FRY: variants seen among roughly 807,000 people sequenced by gnomAD.
FRY encodes the protein protein furry homolog.
Under a neutral mutation model 348.4 loss-of-function variants are expected in FRY, and 128 were observed. The ratio of observed to expected loss-of-function variants is 0.37; its 90% CI spans 0.32 to 0.43. The LOEUF (loss-of-function observed/expected upper bound fraction) is 0.43, where lower values mean the gene tolerates loss of function less well. Among genes scored for constraint, FRY ranks in the 20% least tolerant of loss-of-function variants. The pLI, the probability that FRY is intolerant of heterozygous loss-of-function variation, is 1.00. For synonymous variants in FRY, 1,370 were observed against 1,374.7 expected (o/e 1.00, Z 0.08); for missense variants, 2,736 against 3,695.2 (o/e 0.74, Z 6.73).
Position 32,237,268 on chromosome 13 carries a change from C to G in FRY, c.5811-111C>G, listed in dbSNP as rs1446464703. 1 of 1,029,834 alleles carries G rather than the reference C, an allele frequency of 9.7e-7. No homozygotes were observed. The highest frequency in any genetic ancestry group is 1.5e-6 in the Non-Finnish European group (1 of 679,026). 63.8% of individuals were successfully genotyped at this position (1,029,834 alleles called of 1,614,324 possible). On this transcript the variant is annotated intron_variant, in intron 43 of 60. Coordinates refer to ENST00000542859, the MANE Select transcript of FRY (RefSeq NM_023037.3). The surrounding 1 kb of genome is among the most constrained non-coding windows in gnomAD (Gnocchi z 6.3). ...GGAAAAATAAATGAATAGAAAGTGG[C>G]ATTTCTAAAGAATGATTTCCCTCCT...
At chr13:32,037,602 A>G (rs457267) in intron 1 of FRY, among the ~76,000 whole-genome samples, 101,274 of 152,018 alleles carry the variant, frequency 0.67, 34,078 homozygotes, top group African/African-American at 0.73. Context: ...GAAAGAGAAA[A>G]GCAAACAGCA....
chr13:32,213,815 CTAGAGGTTT>C (rs922556041), intron 35 of FRY, among the ~76,000 whole-genome samples: 11 of 152,224 alleles, frequency 7.2e-5, no homozygotes, highest in African/African-American at 2.4e-4. Flanking sequence ...AGTGTCCTGC[CTAGAGGTTT>C]TAGTGGTGCC....
chr13:32,236,032 C>A, intron 42 of FRY, 46 bp from the exon 43 acceptor site: 1 of 1,207,988 alleles, frequency 8.3e-7, no homozygotes, highest in Non-Finnish European at 1.2e-6. Flanking sequence ...AGGAAATTAA[C>A]AATGGTTACA....
intron 1 of FRY, among the ~76,000 whole-genome samples, chr13:32,060,172 C>T (rs566382596): frequency 1.3e-5 from 2 of 152,336 alleles, no homozygotes; most frequent in South Asian, 4.1e-4. Context: ...CACTGACCCT[C>T]ATAGAATTCT....
At chr13:32,256,193 A>G (rs1421892842) in intron 51 of FRY, among the ~76,000 whole-genome samples, 2 of 152,168 alleles carry the variant, frequency 1.3e-5, no homozygotes, top group Admixed American at 6.6e-5. Context: ...CTAGCCAGCA[A>G]TAACTAAAAA....
In FRY at chr13:32,238,154, G is replaced by C. The variant is rs530581426; in HGVS notation, c.6418+168G>C. Among the ~76,000 whole-genome samples, 4 of 152,180 alleles carry C rather than the reference G, an allele frequency of 2.6e-5. No homozygotes were observed. The East Asian group carries it at 7.7e-4, about 29-fold the overall frequency. ...AATTCTATATAATGTAAATCTCAAT[G>C]ATCTGTATTATAGAAAATATTTTTA... On this transcript the variant is annotated intron_variant, in intron 44 of 60. Transcript: ENST00000542859.
chr13:32,130,953 T>C (rs1879322228), intron 7 of FRY, among the ~76,000 whole-genome samples: 2 of 152,022 alleles, frequency 1.3e-5, no homozygotes. Flanking sequence ...GTAGCTGGGA[T>C]TACAGGTGCG....
At chr13:32,277,592 A>C (rs1888592344) in intron 57 of FRY, among the ~76,000 whole-genome samples, 1 of 152,354 alleles carries the variant, frequency 6.6e-6, no homozygotes, top group East Asian at 1.9e-4. Context: ...TATTGCCTTG[A>C]AAACAGAAAT....
In FRY at chr13:32,101,951, T is replaced by C; in HGVS notation, c.271-12T>C. 7.1e-7 allele frequency: 1 copy of C among 1,407,704 alleles called. No individual in the cohort carries two copies. Among genetic ancestry groups the C allele is most frequent in the East Asian group, 2.3e-5 (1 of 43,886 alleles). The allele number at this position is 1,407,704 out of a possible 1,614,324, so 87.2% of individuals were successfully genotyped here. On this transcript the variant is annotated splice_polypyrimidine_tract_variant and intron_variant, in intron 2 of 60. Transcript: ENST00000542859. ...TAATAATTATTCTTGCATATATTCT[T>C]TTTCTTTCTAGGAAAAGCCATTGAC...
intron 55 of FRY, among the ~76,000 whole-genome samples, chr13:32,270,499 G>T (rs758057292): frequency 6.6e-6 from 1 of 152,186 alleles, no homozygotes; most frequent in Non-Finnish European, 1.5e-5. Context: ...GCGCCACGGC[G>T]CCCGACCTCT....
At chr13:32,158,835 T>C (rs1036802710) in intron 16 of FRY, among the ~76,000 whole-genome samples, 2 of 151,650 alleles carry the variant, frequency 1.3e-5, no homozygotes, top group African/African-American at 2.4e-5. Flanking sequence ...GGAGAATTGC[T>C]TGAACCCGGG....
At chr13:32,074,869 T>G (rs866412786) in intron 1 of FRY, among the ~76,000 whole-genome samples, 41 of 152,162 alleles carry the variant, frequency 2.7e-4, no homozygotes, top group African/African-American at 8.7e-4. Flanking sequence ...TTGGGGCAGC[T>G]GGATGGCACT....
chr13:32,134,866 C>A (rs1162319989), intron 8 of FRY, 38 bp from the exon 9 acceptor site: 3 of 1,243,656 alleles, frequency 2.4e-6, no homozygotes, highest in African/African-American at 2.9e-5. Context: ...TACATTTCAA[C>A]CTACTCTCCC....
intron 2 of FRY, among the ~76,000 whole-genome samples, chr13:32,081,189 A>T (rs1875465526): frequency 6.6e-6 from 1 of 152,148 alleles, no homozygotes; most frequent in Admixed American, 6.5e-5. Context: ...ACAAGAAAAA[A>T]ATTTTTAAGT....
chr13:32,296,568 G>A lies in FRY; in HGVS notation c.*1108G>A, dbSNP rs1300624555. On this transcript the variant is annotated 3_prime_UTR_variant, in exon 61 of 61. Transcript: ENST00000542859. ...CTCTGTAAATACATTTAAAGTTTTT[G>A]TGATGTAAGCTTAATTGATATTCTG... 2 of 150,044 alleles carry A rather than the reference G, an allele frequency of 1.3e-5. No homozygotes were observed. The highest frequency in any genetic ancestry group is 6.7e-5 in the Admixed American group (1 of 14,962). The allele number at this position is 150,044 out of a possible 1,614,324, so 9.3% of individuals were successfully genotyped here. A position where few individuals can be genotyped will look rare whatever the true frequency, so the allele number is the denominator to read the frequency against.
chr13:32,236,373 A>G (rs776942901), intron 43 of FRY, among the ~76,000 whole-genome samples: 1 of 152,060 alleles, frequency 6.6e-6, no homozygotes, highest in Non-Finnish European at 1.5e-5. Flanking sequence ...CACACACATT[A>G]TATAAGTATT....
chr13:32,142,007 A>C (rs933556417), intron 11 of FRY, among the ~76,000 whole-genome samples: 3 of 151,450 alleles, frequency 2.0e-5, no homozygotes, highest in African/African-American at 7.4e-5. Flanking sequence ...CAACAGAAGA[A>C]TGGTTTTTTT....
chr13:32,210,993 A>G lies in FRY; in HGVS notation c.4550A>G (p.Tyr1517Cys). 3 of 1,613,974 alleles carry G rather than the reference A, an allele frequency of 1.9e-6. No homozygotes were observed. The South Asian group carries it at 3.3e-5, about 18-fold the overall frequency. ...CAGCATTGTGACAACCCGCCCTTCT[A>G]CCGCTTCACGGCCAGTAGCAAGGCT... is the stretch of plus-strand genomic sequence containing the variant. ...IVQHCDNPPF[Y>C]RFTASSKASA... Residue 1517 changes from tyrosine (Y) to cysteine (C), a missense_variant, in exon 34 of 61, where the codon TAC becomes TGC. Physicochemically the swap from Tyr to Cys is radical, Grantham distance 194. Around this residue, in one of 9 missense-constraint regions of FRY, gnomAD observed 794 missense variants for 977.0 expected, o/e 0.81. Coordinates refer to ENST00000542859, the MANE Select transcript of FRY (RefSeq NM_023037.3).
Position 32,071,557 on chromosome 13 carries a change from T to C in FRY, c.71-7277T>C, listed in dbSNP as rs575558221. On this transcript the variant is annotated intron_variant, in intron 1 of 60. Coordinates refer to ENST00000542859, the MANE Select transcript of FRY (RefSeq NM_023037.3). ...AGGAATGCTTGTGATTTTTGCACAC[T>C]GATTTTGTATCCTGAGACTTTGCTG... 8.1e-4 allele frequency among the ~76,000 whole-genome samples: 124 copies of C among 152,338 alleles called. 4 individuals are homozygous for C. In the South Asian group the frequency reaches 0.025, roughly 31 times the overall value.
Sources: allele counts gnomAD v4.1 joint callset (sites outside exome capture counted in the v4.1 genomes callset), GRCh38; gene constraint gnomAD v4.1.1; regional missense constraint gnomAD v4.1.1; non-coding constraint Gnocchi (gnomAD v3.1); transcripts MANE v1.5; gene names NCBI Gene and HGNC (gene_info 2026-07-23, HGNC 2026-07-21).